ATP8A2: variants seen among roughly 807,000 people sequenced by gnomAD.
ATP8A2 encodes phospholipid-transporting ATPase IB.
A neutral mutation model predicts 165.6 loss-of-function variants in ATP8A2; 100 were observed. The observed-to-expected ratio is 0.60, with a 90% CI of 0.51 to 0.71. The LOEUF (loss-of-function observed/expected upper bound fraction) is 0.71, where lower values mean the gene tolerates loss of function less well. Ranked by LOEUF, ATP8A2 falls within the 30% of genes least tolerant of loss-of-function variation. The pLI, the probability that ATP8A2 is intolerant of heterozygous loss-of-function variation, is 0.00. For synonymous variants in ATP8A2, 543 were observed against 548.8 expected (o/e 0.99, Z 0.15); for missense variants, 1,227 against 1,479.5 (o/e 0.83, Z 2.80).
At chr13:25,917,178 A>G (rs75075993) in intron 33 of ATP8A2, among the ~76,000 whole-genome samples, 6,330 of 152,192 alleles carry the variant, frequency 0.042, 162 homozygotes, top group African/African-American at 0.061. Context: ...TCATCCTCCA[A>G]CCCAGGCCAG....
Position 25,470,142 on chromosome 13 carries a change from C to T in ATP8A2, c.221+1021C>T, listed in dbSNP as rs546626043. 4.6e-5 allele frequency among the ~76,000 whole-genome samples: 7 copies of T among 152,258 alleles called. No individual in the cohort carries two copies. The East Asian group carries it at 5.8e-4, about 13-fold the overall frequency. On this transcript the variant is annotated intron_variant, in intron 2 of 36. Coordinates refer to ENST00000381655, the MANE Select transcript of ATP8A2 (RefSeq NM_016529.6). ...CACTTGTACAAATGACTTAGCCTGA[C>T]ATCTTTATTTAGAAAGGTCAGGCAG...
intron 1 of ATP8A2, among the ~76,000 whole-genome samples, chr13:25,444,079 C>G (rs2035004688): frequency 6.6e-6 from 1 of 152,232 alleles, no homozygotes; most frequent in Non-Finnish European, 1.5e-5. Flanking sequence ...CTAGATCTCT[C>G]TTGCTCCTTC....
At chr13:25,784,608 G>T (rs1175329656) in intron 27 of ATP8A2, among the ~76,000 whole-genome samples, 1 of 151,984 alleles carries the variant, frequency 6.6e-6, no homozygotes, top group African/African-American at 2.4e-5. Flanking sequence ...TTGGTTTTTG[G>T]GTTTTGTTTG....
intron 30 of ATP8A2, among the ~76,000 whole-genome samples, chr13:25,848,610 C>T (rs1951930357): frequency 6.6e-6 from 1 of 152,142 alleles, no homozygotes; most frequent in African/African-American, 2.4e-5. Context: ...ATGTCCTTAA[C>T]TTTATCCAGC....
intron 25 of ATP8A2, chr13:25,705,285 G>T: frequency 3.3e-6 from 1 of 303,018 alleles, no homozygotes. Flanking sequence ...AAAGAGTCAT[G>T]AAAGAATCAT....
chr13:25,422,321 C>T (rs975385307), intron 1 of ATP8A2, among the ~76,000 whole-genome samples: 3 of 152,162 alleles, frequency 2.0e-5, no homozygotes, highest in African/African-American at 4.8e-5. Context: ...ATTTTTAAAG[C>T]ATTGACCTGT....
Position 25,884,429 on chromosome 13 carries a change from G to A in ATP8A2, c.3183+22021G>A, listed in dbSNP as rs376606792. ...TGTTTGTGGATAAAGCAGATCCCCC[G>A]CTTCTGCTCCCACTTCTCGCGGGTG... On this transcript the variant is annotated intron_variant, in intron 33 of 36. Transcript: ENST00000381655. Among the ~76,000 whole-genome samples the A allele has an allele frequency of 3.9e-4, 60 of 152,256 alleles. 1 individual carries two copies. Among genetic ancestry groups the A allele is most frequent in the East Asian group, 2.7e-3 (14 of 5,172 alleles).
chr13:25,456,136 CT>C (rs753205482), intron 1 of ATP8A2, among the ~76,000 whole-genome samples: 139 of 152,332 alleles, frequency 9.1e-4, no homozygotes, highest in Middle Eastern at 3.4e-3. Flanking sequence ...CATCTTTACC[CT>C]TTGCTTTGGA....
In ATP8A2 at chr13:25,855,441, T is replaced by C. The variant is rs118087233; in HGVS notation, c.2957-4754T>C. 4.1e-3 allele frequency among the ~76,000 whole-genome samples: 621 copies of C among 152,348 alleles called. 4 individuals carry two copies. The highest frequency in any genetic ancestry group is 0.02 in the South Asian group (97 of 4,820). The stretch of plus-strand genomic sequence containing the variant: ...TTCAAGGTTCATCCATGTTGTAGCA[T>C]GTATCAGTACTTCATTCCTTTTTAT... On this transcript the variant is annotated intron_variant, in intron 30 of 36. Transcript: ENST00000381655.
intron 25 of ATP8A2, among the ~76,000 whole-genome samples, chr13:25,752,763 G>C (rs1402092694): frequency 3.3e-5 from 5 of 152,118 alleles, no homozygotes; most frequent in Non-Finnish European, 7.4e-5. Flanking sequence ...AGTCTACTTT[G>C]TTGTTGCCAA....
intron 25 of ATP8A2, among the ~76,000 whole-genome samples, chr13:25,716,583 C>G (rs1254801947): frequency 6.6e-6 from 1 of 152,092 alleles, no homozygotes; most frequent in East Asian, 1.9e-4. Flanking sequence ...CAGTCTTTTC[C>G]TTTTTGAGTG....
In ATP8A2 at chr13:25,626,788, A is replaced by G. The variant is rs35826421; in HGVS notation, c.2211+37089A>G. Among the ~76,000 whole-genome samples, 442 of 152,248 alleles carry G rather than the reference A, an allele frequency of 2.9e-3. 1 individual carries two copies. The highest frequency in any genetic ancestry group is 4.3e-3 in the Non-Finnish European group (293 of 67,998). The stretch of plus-strand genomic sequence containing the variant: ...AGGTTTAATGGACTCACAGTCCCAT[A>G]TGGCTGGGGAGGCTTCACAGTCAAG... On this transcript the variant is annotated intron_variant, in intron 24 of 36. Coordinates refer to ENST00000381655, the MANE Select transcript of ATP8A2 (RefSeq NM_016529.6).
intron 33 of ATP8A2, 29 bp from the exon 34 acceptor site, chr13:25,961,546 C>G (rs983699854): frequency 6.5e-7 from 1 of 1,532,702 alleles, no homozygotes; most frequent in African/African-American, 1.4e-5. Flanking sequence ...AGAAAGTATT[C>G]AAGCAAGTGT....
At chr13:25,512,478 C>T (rs1442600089) in intron 2 of ATP8A2, among the ~76,000 whole-genome samples, 11 of 151,972 alleles carry the variant, frequency 7.2e-5, no homozygotes, top group African/African-American at 2.4e-4. Context: ...CACCCCTCAT[C>T]TCCCGGACGG....
At chr13:25,611,675 G>A (rs1261412721) in intron 24 of ATP8A2, among the ~76,000 whole-genome samples, 4 of 151,836 alleles carry the variant, frequency 2.6e-5, no homozygotes, top group Admixed American at 6.6e-5. Flanking sequence ...GATTTAGGGA[G>A]GGTTCTCTAT....
intron 25 of ATP8A2, among the ~76,000 whole-genome samples, chr13:25,740,330 G>C (rs1051789738): frequency 7.1e-6 from 1 of 140,158 alleles, no homozygotes; most frequent in Non-Finnish European, 1.5e-5. Context: ...AAAAAAAAAA[G>C]AGAAAGACAT....
chr13:25,569,696 CTAGGA>C, intron 16 of ATP8A2, among the ~76,000 whole-genome samples: 1 of 152,192 alleles, frequency 6.6e-6, no homozygotes, highest in Non-Finnish European at 1.5e-5. Flanking sequence ...CTTTGAAAAC[CTAGGA>C]TAGTCAACTG....
At chr13:25,787,709 G>C (rs1223121133) in intron 27 of ATP8A2, among the ~76,000 whole-genome samples, 4 of 152,202 alleles carry the variant, frequency 2.6e-5, no homozygotes, top group Non-Finnish European at 5.9e-5. Context: ...TAACACCATT[G>C]GCCGGGCCTC....
chr13:25,715,802 C>A (rs1415583494), intron 25 of ATP8A2, among the ~76,000 whole-genome samples: 1 of 152,150 alleles, frequency 6.6e-6, no homozygotes, highest in Non-Finnish European at 1.5e-5. Flanking sequence ...GTTTTCATTT[C>A]TCTTGGGTAT....
Sources: gnomAD v4.1 joint callset for allele counts (sites outside exome capture counted in the v4.1 genomes callset) on GRCh38, gnomAD v4.1.1 for gene constraint, MANE v1.5 for transcripts, NCBI Gene and HGNC (gene_info 2026-07-23, HGNC 2026-07-21) for gene names.